The following MTBP variants were observed in gnomAD, a reference collection of about 807,000 sequenced individuals.
The protein encoded by MTBP is mdm2-binding protein.
Under a neutral mutation model 117.0 loss-of-function variants are expected in MTBP, and 101 were observed. That is an observed-to-expected ratio of 0.86 (90% confidence interval 0.73 to 1.02). The LOEUF (loss-of-function observed/expected upper bound fraction) is 1.02, where lower values mean the gene tolerates loss of function less well. MTBP is among the 50% of genes least tolerant of loss of function. The pLI, the probability that MTBP is intolerant of heterozygous loss-of-function variation, is 0.00. For missense variants in MTBP, 970 were observed against 1,030.9 expected, an observed-to-expected ratio of 0.94 and a Z score of 0.81; for synonymous variants, 350 against 351.5, an observed-to-expected ratio of 1.00 and a Z score of 0.05.
At chr8:120,465,566 G>A (rs1044444965) in intron 10 of MTBP, among the ~76,000 whole-genome samples, 9 of 151,284 alleles carry the variant, frequency 5.9e-5, no homozygotes, top group South Asian at 4.2e-4. Flanking sequence ...AGTATAAAGC[G>A]CTAGATATTA....
intron 4 of MTBP, 25 bp from the exon 5 acceptor site, chr8:120,453,822 T>TC: frequency 7.3e-7 from 1 of 1,371,670 alleles, no homozygotes; most frequent in South Asian, 1.4e-5. Flanking sequence ...GGGTTTTCTT[T>TC]CCCTAACTTA....
At position 120,502,543 on chromosome 8, in the gene MTBP, T is replaced by C; in HGVS notation, c.1661T>C (p.Leu554Pro). 6.2e-7 allele frequency: 1 copy of C among 1,606,532 alleles called. No homozygotes were observed. Among genetic ancestry groups the C allele is most frequent in the East Asian group, 2.2e-5 (1 of 44,688 alleles). Residue 554 changes from leucine (L) to proline (P), a missense_variant, in exon 15 of 22, where the codon CTG (leucine) becomes CCG (proline). Physicochemically the swap from Leu to Pro is moderately conservative, Grantham distance 98. Transcript: ENST00000305949. The part of the protein sequence containing the change: ...NSSSLMETNP[L>P]EWPERHVLQN... The stretch of plus-strand genomic sequence containing the variant: ...TCAAGTCTAATGGAAACCAATCCTC[T>C]GGAATGGCCAGAAAGGCATGTTCTT...
At position 120,523,424 on chromosome 8, in the gene MTBP, T is replaced by G; in HGVS notation, c.*88T>G. The G allele has an allele frequency of 1.3e-6, 1 of 785,294 alleles. No individual in the cohort carries two copies. 48.6% of individuals were successfully genotyped at this position (785,294 alleles called of 1,614,324 possible). On this transcript the variant is annotated 3_prime_UTR_variant, in exon 22 of 22. Transcript: ENST00000305949. ...TCTTAGTTTGAAAATTATAAACAAA[T>G]TTTAAGCTTTATTCAAAGAATAGAT...
At chr8:120,463,894 A>C in intron 10 of MTBP, 133 bp downstream of exon 10, 1 of 776,646 alleles carries the variant, frequency 1.3e-6, no homozygotes, top group Non-Finnish European at 2.0e-6. Flanking sequence ...AATATAGGAT[A>C]ATTTTGGTCC....
Position 120,462,216 on chromosome 8 carries a change from A to G in MTBP, c.977+961A>G, listed in dbSNP as rs966351813. Among the ~76,000 whole-genome samples the G allele has an allele frequency of 7.3e-4, 111 of 152,350 alleles. 1 individual carries two copies. Among genetic ancestry groups the G allele is most frequent in the African/African-American group, 2.5e-3 (106 of 41,600 alleles). On this transcript the variant is annotated intron_variant, in intron 9 of 21. Coordinates refer to ENST00000305949, the MANE Select transcript of MTBP (RefSeq NM_022045.5). ...AGCCAGACATAGCTTAATGAAAAGT[A>G]AATTTTAGATCATGCTGGTAGGATT...
intron 20 of MTBP, among the ~76,000 whole-genome samples, chr8:120,519,900 G>A (rs1036466873): frequency 6.6e-6 from 1 of 152,084 alleles, no homozygotes; most frequent in Non-Finnish European, 1.5e-5. Flanking sequence ...TCACTACAAG[G>A]TCTATCATGC....
intron 15 of MTBP, among the ~76,000 whole-genome samples, chr8:120,505,143 G>T (rs1814663852): frequency 6.6e-6 from 1 of 151,718 alleles, no homozygotes; most frequent in African/African-American, 2.4e-5. Flanking sequence ...AGGAATATAG[G>T]GCCCTGTTGC....
intron 14 of MTBP, among the ~76,000 whole-genome samples, chr8:120,498,695 C>T (rs1814521341): frequency 6.6e-6 from 1 of 152,084 alleles, no homozygotes; most frequent in African/African-American, 2.4e-5. Flanking sequence ...GTAGAATAGT[C>T]ATGAAGGCTG....
At chr8:120,487,416 C>T (rs1192968456) in intron 11 of MTBP, among the ~76,000 whole-genome samples, 6 of 152,106 alleles carry the variant, frequency 3.9e-5, no homozygotes, top group East Asian at 3.8e-4. Context: ...TTTTAGTTGT[C>T]GTTGTCTCTT....
intron 18 of MTBP, 58 bp from the exon 19 acceptor site, chr8:120,517,793 G>T: frequency 6.6e-7 from 1 of 1,507,078 alleles, no homozygotes. Flanking sequence ...GACAGAAAAT[G>T]AACTTCGATG....
At chr8:120,458,870 AAGACAGAC>A (rs1212056643) in intron 7 of MTBP, among the ~76,000 whole-genome samples, 1 of 151,706 alleles carries the variant, frequency 6.6e-6, no homozygotes, top group Non-Finnish European at 1.5e-5. Flanking sequence ...AAAAAGGAAC[AAGACAGAC>A]AGCTTCTGTC....
chr8:120,480,127 CAAATTGAACCCAATGCCTATCA>C (rs1814042755), intron 11 of MTBP, among the ~76,000 whole-genome samples: 1 of 150,574 alleles, frequency 6.6e-6, no homozygotes, highest in Non-Finnish European at 1.5e-5. Flanking sequence ...GATAGAACTC[CAAATTGAACCCAATGCCTATCA>C]AAATTCCAGC....
At chr8:120,476,848 A>G (rs1387770342) in intron 11 of MTBP, among the ~76,000 whole-genome samples, 2 of 152,194 alleles carry the variant, frequency 1.3e-5, no homozygotes, top group Non-Finnish European at 2.9e-5. Context: ...TATAGATGGA[A>G]TGCTATCCCC....
intron 11 of MTBP, among the ~76,000 whole-genome samples, chr8:120,474,602 A>G (rs996482913): frequency 6.6e-6 from 1 of 152,066 alleles, no homozygotes; most frequent in Non-Finnish European, 1.5e-5. Context: ...TCTTCATTCT[A>G]ACTTTGTACT....
chr8:120,504,823 A>G (rs1208353883), intron 15 of MTBP, among the ~76,000 whole-genome samples: 1 of 150,872 alleles, frequency 6.6e-6, no homozygotes, highest in Non-Finnish European at 1.5e-5. Context: ...TTTCTGCTCT[A>G]TGTTCTGGGG....
intron 11 of MTBP, among the ~76,000 whole-genome samples, chr8:120,477,866 C>A (rs1188203616): frequency 2.0e-5 from 3 of 152,060 alleles, no homozygotes; most frequent in African/African-American, 4.8e-5. Flanking sequence ...TGATCTAGAA[C>A]CAGAAATACC....
chr8:120,515,853 T>G, intron 17 of MTBP, 72 bp from the exon 18 acceptor site: 7 of 1,363,296 alleles, frequency 5.1e-6, no homozygotes, highest in Non-Finnish European at 4.0e-6. Context: ...GTCCTGCTAT[T>G]TTCTCATTGA....
Position 120,488,205 on chromosome 8 carries a change from G to T in MTBP, c.1212G>T (p.Leu404Phe). The stretch of plus-strand genomic sequence containing the variant: ...GAGAGTGTTCTAGCTATTATCTCTT[G>T]TTACAAGGTAATGGCAATAGAAGAT... ...VKGECSSYYL[L>F]LQGNGNRRCK... The change falls in exon 12 of 22, where the codon TTG (leucine) becomes TTT (phenylalanine). Residue 404 changes from leucine to phenylalanine, a missense_variant. Physicochemically the swap from Leu to Phe is conservative, Grantham distance 22 (BLOSUM62 0). Coordinates refer to ENST00000305949, the MANE Select transcript of MTBP (RefSeq NM_022045.5). 1 of 1,593,774 alleles carries T rather than the reference G, an allele frequency of 6.3e-7. No individual in the cohort carries two copies. The highest frequency in any genetic ancestry group is 1.4e-5 in the African/African-American group (1 of 73,798).
At chr8:120,479,256 C>T (rs527282581) in intron 11 of MTBP, among the ~76,000 whole-genome samples, 1 of 152,208 alleles carries the variant, frequency 6.6e-6, no homozygotes, top group Admixed American at 6.5e-5. Flanking sequence ...GCATGTGTAC[C>T]TCCTGAATCT....
Sources: gnomAD v4.1 joint callset for allele counts (sites outside exome capture counted in the v4.1 genomes callset) on GRCh38, gnomAD v4.1.1 for gene constraint, MANE v1.5 for transcripts, NCBI Gene and HGNC (gene_info 2026-07-23, HGNC 2026-07-21) for gene names.